JAKMIP1: variants seen among roughly 807,000 people sequenced by gnomAD.
JAKMIP1 encodes the protein janus kinase and microtubule interacting protein 1, also known as janus kinase and microtubule-interacting protein 1.
A neutral mutation model predicts 113.0 loss-of-function variants in JAKMIP1; 33 were observed. The observed-to-expected ratio is 0.29, with a 90% CI of 0.22 to 0.39. The LOEUF (loss-of-function observed/expected upper bound fraction) is 0.39. Ranked by LOEUF, JAKMIP1 falls within the 10% of genes least tolerant of loss-of-function variation. JAKMIP1 has a pLI of 1.00. For missense variants in JAKMIP1, 813 were observed against 1,080.5 expected (o/e 0.75, Z 3.47); for synonymous variants, 480 against 459.9 (o/e 1.04, Z -0.56).
rs925673199 is a variant in JAKMIP1 at position 6,049,549 on chromosome 4, G to T, written c.1962+270C>A. 6.6e-6 allele frequency among the ~76,000 whole-genome samples: 1 copy of T among 151,910 alleles called. No individual in the cohort carries two copies. The highest frequency in any genetic ancestry group is 1.5e-5 in the Non-Finnish European group (1 of 68,008). ...CTTTCTGATTTCAGCAATCTCGTGT[G>T]ACTCCACCTGCATTCTGGGTAGGGA... On this transcript the variant is annotated intron_variant, in intron 15 of 20. Transcript: ENST00000409021. This position sits in a 1 kb window ranked among gnomAD's most constrained non-coding sequence, Gnocchi z 7.0.
At position 6,140,250 on chromosome 4, in the gene JAKMIP1, CT is replaced by C. The variant is rs35255967; in HGVS notation, c.-147-27254del. ...CTGCTCCCTATTTTTCTTTTTTCCT[CT>C]TTTTTTTTTTTTTTTCTGTGGGGAG... On this transcript the variant is annotated intron_variant, in intron 1 of 20. Coordinates refer to ENST00000409021, the MANE Select transcript of JAKMIP1 (RefSeq NM_001099433.2). The surrounding 1 kb of genome is among the most constrained non-coding windows in gnomAD (Gnocchi z 9.4). Among the ~76,000 whole-genome samples the C allele has an allele frequency of 6.8e-3, 947 of 140,156 alleles. 10 individuals are homozygous for C. The highest frequency in any genetic ancestry group is 0.019 in the South Asian group (83 of 4,386). The allele number at this position is 140,156 out of a possible 152,430, so 91.9% of individuals were successfully genotyped here. A position where few individuals can be genotyped will look rare whatever the true frequency, so the allele number is the denominator to read the frequency against.
Position 6,082,533 on chromosome 4 carries a change from T to C in JAKMIP1, c.955-778A>G, listed in dbSNP as rs1002128601. Among the ~76,000 whole-genome samples, 28 of 151,984 alleles carry C rather than the reference T, an allele frequency of 1.8e-4. No individual in the cohort carries two copies. The Middle Eastern group carries it at 0.014, about 74-fold the overall frequency. On this transcript the variant is annotated intron_variant, in intron 5 of 20. Transcript: ENST00000409021. ...ACATGTGTCACTTTGACAAAGGGTCTCACTTCGTCACCCAGGCTTGAGTGC... is the reference window on the plus strand; with the variant it reads ...ACATGTGTCACTTTGACAAAGGGTCCCACTTCGTCACCCAGGCTTGAGTGC...
intron 1 of JAKMIP1, among the ~76,000 whole-genome samples, chr4:6,169,819 C>G (rs1027597956): frequency 6.6e-6 from 1 of 151,862 alleles, no homozygotes; most frequent in African/African-American, 2.4e-5. Context: ...GTGGTACCTA[C>G]CTCATAGGTA....
In JAKMIP1 at chr4:6,168,139, A is replaced by G. The variant is rs1165505396; in HGVS notation, c.-148+32114T>C. On this transcript the variant is annotated intron_variant, in intron 1 of 20. Transcript: ENST00000409021. This position sits in a 1 kb window ranked among gnomAD's most constrained non-coding sequence, Gnocchi z 4.6. ...GCTGCAATCAAAAAAGCGCACAACA[A>G]CAAGTGTGGGTGAGCATGTGGGGAA... Among the ~76,000 whole-genome samples, 1 of 152,132 alleles carries G rather than the reference A, an allele frequency of 6.6e-6. No individual in the cohort carries two copies. Among genetic ancestry groups the G allele is most frequent in the African/African-American group, 2.4e-5 (1 of 41,432 alleles).
At position 6,041,325 on chromosome 4, in the gene JAKMIP1, G is replaced by T. The variant is rs1045972080; in HGVS notation, c.2098-609C>A. Among the ~76,000 whole-genome samples, 3 of 152,310 alleles carry T rather than the reference G, an allele frequency of 2.0e-5. No individual in the cohort carries two copies. The East Asian group carries it at 5.8e-4, about 29-fold the overall frequency. ...AAGAGCCAGGGAGGACCAGAGCCTT[G>T]CCTTAGATGCCACAGTTCAGTGATG... On this transcript the variant is annotated intron_variant, in intron 17 of 20. Coordinates refer to ENST00000409021, the MANE Select transcript of JAKMIP1 (RefSeq NM_001099433.2).
chr4:6,099,834 C>T lies in JAKMIP1; in HGVS notation c.624+5639G>A, dbSNP rs79780968. Among the ~76,000 whole-genome samples, 545 of 152,128 alleles carry T rather than the reference C, an allele frequency of 3.6e-3. 3 individuals carry two copies. Among genetic ancestry groups the T allele is most frequent in the African/African-American group, 0.013 (525 of 41,532 alleles). ...TCTTATTGTAAAATAATATTTTTTGCTTGATGAGAAATTCTGAGTTAACAG... is the reference window on the plus strand; with the variant it reads ...TCTTATTGTAAAATAATATTTTTTGTTTGATGAGAAATTCTGAGTTAACAG... On this transcript the variant is annotated intron_variant, in intron 3 of 20. Transcript: ENST00000409021.
At chr4:6,053,957 T>G in intron 13 of JAKMIP1, 93 bp downstream of exon 13, 1 of 1,606,576 alleles carries the variant, frequency 6.2e-7, no homozygotes, top group Non-Finnish European at 8.5e-7. Context: ...TACACATGCT[T>G]GAAAACATCT....
intron 1 of JAKMIP1, among the ~76,000 whole-genome samples, chr4:6,196,981 C>T (rs1040267164): frequency 7.2e-5 from 11 of 152,176 alleles, no homozygotes; most frequent in Admixed American, 3.3e-4. Context: ...ATCTGAGGCC[C>T]GGAGTCAGGG....
rs761025704 is a variant in JAKMIP1, at chr4:6,078,942, G to T, written c.1299C>A (p.Pro433=). Residue 433 remains proline, a synonymous_variant, in exon 8 of 21, where the codon CCC becomes CCA. Transcript: ENST00000409021. ...KRHRGKSLKP[P]KKHVVETFFG... ...AGGTGCACCATCGCAGGCTCACCTT[G>T]GGCGGTTTCAGACTTTTCCCTCGAT... The T allele has an allele frequency of 5.6e-6, 9 of 1,614,056 alleles. No individual in the cohort carries two copies. The highest frequency in any genetic ancestry group is 3.4e-6 in the Non-Finnish European group (4 of 1,180,016).
rs574280412 is a variant in JAKMIP1, at chr4:6,078,471, T to TGA, written c.1302+466_1302+467dup. On this transcript the variant is annotated intron_variant, in intron 8 of 20. Coordinates refer to ENST00000409021, the MANE Select transcript of JAKMIP1 (RefSeq NM_001099433.2). ...TTCCAGATTGGTCCCTGTGGGCATT[T>TGA]GAATTTTATAAGCCCAGCTCCTTCA... 2.2e-3 allele frequency among the ~76,000 whole-genome samples: 329 copies of TGA among 151,746 alleles called. 2 individuals are homozygous for TGA. Among genetic ancestry groups the TGA allele is most frequent in the African/African-American group, 7.4e-3 (307 of 41,364 alleles).
chr4:6,113,113 C>T (rs1426528075), intron 1 of JAKMIP1, 116 bp from the exon 2 acceptor site: 2 of 490,792 alleles, frequency 4.1e-6, no homozygotes, highest in African/African-American at 1.9e-5. Context: ...CTGCCACTCC[C>T]AGACTGACCT....
chr4:6,052,620 C>T (rs1409830225), intron 13 of JAKMIP1, among the ~76,000 whole-genome samples: 4 of 141,350 alleles, frequency 2.8e-5, no homozygotes, highest in African/African-American at 1.1e-4. Flanking sequence ...CACTGTCCTC[C>T]AGCCTGGGTG....
In JAKMIP1 at chr4:6,116,206, C is replaced by T. The variant is rs1012436356; in HGVS notation, c.-147-3209G>A. ...GCCATGGACACACTGTTGATAGTCC[C>T]GACGCTCACAGCACCACACAGCATC... On this transcript the variant is annotated intron_variant, in intron 1 of 20. Transcript: ENST00000409021. The surrounding 1 kb of genome is among the most constrained non-coding windows in gnomAD (Gnocchi z 5.1). Among the ~76,000 whole-genome samples, 2 of 151,994 alleles carry T rather than the reference C, an allele frequency of 1.3e-5. No homozygotes were observed. Among genetic ancestry groups the T allele is most frequent in the Admixed American group, 6.5e-5 (1 of 15,268 alleles).
intron 1 of JAKMIP1, among the ~76,000 whole-genome samples, chr4:6,166,413 G>A (rs1279605120): frequency 6.6e-6 from 1 of 152,206 alleles, no homozygotes; most frequent in Non-Finnish European, 1.5e-5. Context: ...GCCGGAGGAG[G>A]AAGGTCAATA....
rs1390429141 is a variant in JAKMIP1 at position 6,086,204 on chromosome 4, G to A, written c.625-575C>T. 6.6e-6 allele frequency among the ~76,000 whole-genome samples: 1 copy of A among 152,090 alleles called. No homozygotes were observed. The highest frequency in any genetic ancestry group is 2.4e-5 in the African/African-American group (1 of 41,408). Reference sequence around the variant, plus strand: ...CCCTCTCCCCAAGGCCACTTCCCATGGTTTCTATCTTCTTTATAGACTGTC... The same window carrying A: ...CCCTCTCCCCAAGGCCACTTCCCATAGTTTCTATCTTCTTTATAGACTGTC... On this transcript the variant is annotated intron_variant, in intron 3 of 20. Coordinates refer to ENST00000409021, the MANE Select transcript of JAKMIP1 (RefSeq NM_001099433.2). This position sits in a 1 kb window ranked among gnomAD's most constrained non-coding sequence, Gnocchi z 4.1.
rs1349815441 is a variant in JAKMIP1, at chr4:6,064,347, C to T, written c.1431+533G>A. Among the ~76,000 whole-genome samples, 2 of 152,194 alleles carry T rather than the reference C, an allele frequency of 1.3e-5. No individual in the cohort carries two copies. The highest frequency in any genetic ancestry group is 4.8e-5 in the African/African-American group (2 of 41,440). Reference sequence around the variant, plus strand: ...CCTTGCTCAAGAAGCTGGCTATGCACCCAGATGGGCACAGGTGGTCAGGAC... The same window carrying T: ...CCTTGCTCAAGAAGCTGGCTATGCATCCAGATGGGCACAGGTGGTCAGGAC... On this transcript the variant is annotated intron_variant, in intron 9 of 20. Coordinates refer to ENST00000409021, the MANE Select transcript of JAKMIP1 (RefSeq NM_001099433.2). This position sits in a 1 kb window ranked among gnomAD's most constrained non-coding sequence, Gnocchi z 4.3.
At chr4:6,087,010 T>C (rs1443518735) in intron 3 of JAKMIP1, among the ~76,000 whole-genome samples, 1 of 152,156 alleles carries the variant, frequency 6.6e-6, no homozygotes, top group Admixed American at 6.5e-5. Context: ...CAGAACTGTA[T>C]AGGAACACAT....
chr4:6,040,657 G>C lies in JAKMIP1; in HGVS notation c.2157C>G (p.Ala719=), dbSNP rs761195059. 2.7e-5 allele frequency: 44 copies of C among 1,613,326 alleles called. No homozygotes were observed. Among genetic ancestry groups the C allele is most frequent in the Non-Finnish European group, 3.7e-5 (44 of 1,179,608 alleles). ...GTCCTACCAGGTAAGCCTGGTCAAG[G>C]GCTTGCTTCCGGTAGTCGAGCTCCT... ...LEEELDYRKQ[A]LDQAYLKIQD... is the part of the protein sequence containing the mutation. Residue 719 remains alanine (A), a synonymous_variant, in exon 18 of 21, where the codon GCC becomes GCG. Transcript: ENST00000409021. This position sits in a 1 kb window ranked among gnomAD's most constrained non-coding sequence, Gnocchi z 5.8.
In JAKMIP1 at chr4:6,192,711, C is replaced by T. The variant is rs1279905662; in HGVS notation, c.-148+7542G>A. On this transcript the variant is annotated intron_variant, in intron 1 of 20. Transcript: ENST00000409021. This position sits in a 1 kb window ranked among gnomAD's most constrained non-coding sequence, Gnocchi z 5.0. ...GACAGAGGAGGAGAAACCCCACAGGCAGGGTTCCTGCCCTCATAGTGCTTG... is the reference window on the plus strand; with the variant it reads ...GACAGAGGAGGAGAAACCCCACAGGTAGGGTTCCTGCCCTCATAGTGCTTG... 6.6e-6 allele frequency among the ~76,000 whole-genome samples: 1 copy of T among 152,176 alleles called. No homozygotes were observed. Among genetic ancestry groups the T allele is most frequent in the Non-Finnish European group, 1.5e-5 (1 of 68,038 alleles).
Sources: gnomAD v4.1 joint callset for allele counts (sites outside exome capture counted in the v4.1 genomes callset) on GRCh38, gnomAD v4.1.1 for gene constraint, Gnocchi (gnomAD v3.1) non-coding constraint, MANE v1.5 for transcripts, NCBI Gene and HGNC (gene_info 2026-07-23, HGNC 2026-07-21) for gene names.